Variants in ERC2 observed in about 807,000 individuals in gnomAD.
The protein encoded by ERC2 is ERC protein 2.
A neutral mutation model predicts 114.8 loss-of-function variants in ERC2; 42 were observed. That is an observed-to-expected ratio of 0.37 (90% confidence interval 0.29 to 0.47). The LOEUF (loss-of-function observed/expected upper bound fraction) is 0.47. ERC2 is among the 20% of genes least tolerant of loss of function. The pLI, the probability that ERC2 is intolerant of heterozygous loss-of-function variation, is 0.99. For missense variants in ERC2, 939 were observed against 1,150.7 expected, an observed-to-expected ratio of 0.82 and a Z score of 2.66; for synonymous variants, 454 against 425.5, an observed-to-expected ratio of 1.07 and a Z score of -0.82.
At chr3:56,182,804 C>T (rs2083359379) in intron 3 of ERC2, among the ~76,000 whole-genome samples, 2 of 152,158 alleles carry the variant, frequency 1.3e-5, no homozygotes, top group South Asian at 4.1e-4. Flanking sequence ...AGGCACTTCC[C>T]TATTTCTCCT....
chr3:55,849,044 C>T (rs927294905), intron 14 of ERC2, among the ~76,000 whole-genome samples: 1 of 152,110 alleles, frequency 6.6e-6, no homozygotes, highest in African/African-American at 2.4e-5. Flanking sequence ...TGCCATCTGC[C>T]AGGCTCTATG....
At chr3:56,166,823 T>A (rs1387952620) in intron 4 of ERC2, among the ~76,000 whole-genome samples, 2 of 152,086 alleles carry the variant, frequency 1.3e-5, no homozygotes, top group Non-Finnish European at 2.9e-5. Context: ...TTTTTGTGAA[T>A]CTCTTCAAAA....
chr3:55,621,885 TC>T (rs1169323901), intron 17 of ERC2, among the ~76,000 whole-genome samples: 3 of 152,056 alleles, frequency 2.0e-5, no homozygotes, highest in Non-Finnish European at 4.4e-5. Flanking sequence ...GAGCATCACA[TC>T]CCTGCCAAGC....
At chr3:55,543,866 C>A (rs1372711248) in intron 17 of ERC2, among the ~76,000 whole-genome samples, 2 of 152,172 alleles carry the variant, frequency 1.3e-5, no homozygotes, top group African/African-American at 2.4e-5. Context: ...TCTCTCGAAG[C>A]CTTACCTCTC....
chr3:56,392,280 T>A (rs992248612), intron 2 of ERC2, among the ~76,000 whole-genome samples: 2 of 152,200 alleles, frequency 1.3e-5, no homozygotes, highest in Admixed American at 6.5e-5. Flanking sequence ...GGTTTTCTGG[T>A]CCTTAGTAAC....
intron 3 of ERC2, among the ~76,000 whole-genome samples, chr3:56,247,422 T>C (rs1241745512): frequency 6.6e-6 from 1 of 152,344 alleles, no homozygotes; most frequent in East Asian, 1.9e-4. Flanking sequence ...TAGTTTTCTA[T>C]TATGCTTGAA....
intron 3 of ERC2, among the ~76,000 whole-genome samples, chr3:56,258,175 C>T (rs924015896): frequency 1.3e-5 from 2 of 152,150 alleles, no homozygotes; most frequent in Admixed American, 6.5e-5. Flanking sequence ...CTGCAGTGCA[C>T]CTTTAAAACT....
intron 13 of ERC2, among the ~76,000 whole-genome samples, chr3:55,927,808 T>C (rs916790517): frequency 1.3e-5 from 2 of 152,104 alleles, no homozygotes; most frequent in South Asian, 4.1e-4. Flanking sequence ...TCCATGAGTT[T>C]CACTGTTTTA....
At chr3:55,906,338 A>G (rs911451680) in intron 13 of ERC2, among the ~76,000 whole-genome samples, 1 of 150,878 alleles carries the variant, frequency 6.6e-6, no homozygotes, top group Non-Finnish European at 1.5e-5. Context: ...CGGCTGAGGC[A>G]GGAGAATGGC....
intron 2 of ERC2, among the ~76,000 whole-genome samples, chr3:56,348,980 G>C (rs1332927164): frequency 6.8e-6 from 1 of 147,552 alleles, no homozygotes; most frequent in Non-Finnish European, 1.5e-5. Flanking sequence ...AGGAAAGAAA[G>C]AAGGAAAGAA....
intron 14 of ERC2, among the ~76,000 whole-genome samples, chr3:55,754,738 C>T (rs1449124150): frequency 6.6e-6 from 1 of 151,516 alleles, no homozygotes; most frequent in Non-Finnish European, 1.5e-5. Flanking sequence ...TAAATATCTT[C>T]CTTTGTCCAT....
chr3:56,201,623 AC>A (rs1440365226), intron 3 of ERC2, among the ~76,000 whole-genome samples: 2 of 152,218 alleles, frequency 1.3e-5, no homozygotes, highest in African/African-American at 4.8e-5. Context: ...CAGCCCAGCC[AC>A]CAGGGAAGGA....
At chr3:56,036,175 C>G (rs1438321620) in intron 7 of ERC2, among the ~76,000 whole-genome samples, 4 of 152,110 alleles carry the variant, frequency 2.6e-5, no homozygotes, top group African/African-American at 9.7e-5. Context: ...GATAAAGACT[C>G]TCGACAAATT....
intron 7 of ERC2, among the ~76,000 whole-genome samples, chr3:56,061,253 G>C (rs2076231761): frequency 6.6e-6 from 1 of 152,176 alleles, no homozygotes; most frequent in Non-Finnish European, 1.5e-5. Flanking sequence ...TGCTCTATAA[G>C]ACAATTTCAA....
At chr3:56,405,888 T>G (rs964451826) in intron 2 of ERC2, among the ~76,000 whole-genome samples, 1 of 50,914 alleles carries the variant, frequency 2.0e-5, no homozygotes, top group Non-Finnish European at 3.8e-5. Flanking sequence ...CTTTTTTTTC[T>G]TTTTTTTTTT....
intron 14 of ERC2, among the ~76,000 whole-genome samples, chr3:55,868,768 G>T (rs1281171195): frequency 3.3e-5 from 5 of 152,148 alleles, no homozygotes; most frequent in Non-Finnish European, 7.4e-5. Flanking sequence ...TTTTCCTAAG[G>T]TTTTATATTC....
intron 12 of ERC2, among the ~76,000 whole-genome samples, chr3:55,976,705 T>C (rs550135790): frequency 1.2e-4 from 18 of 152,234 alleles, no homozygotes; most frequent in African/African-American, 4.3e-4. Flanking sequence ...GAAGAGCAAA[T>C]GATGAAAGTG....
chr3:56,026,470 T>A (rs900933470), intron 7 of ERC2, among the ~76,000 whole-genome samples: 4 of 152,138 alleles, frequency 2.6e-5, no homozygotes, highest in Non-Finnish European at 5.9e-5. Context: ...TATAGCTGTC[T>A]CCAGTCAAAA....
intron 17 of ERC2, among the ~76,000 whole-genome samples, chr3:55,674,720 T>C (rs1400467586): frequency 6.6e-6 from 1 of 152,204 alleles, no homozygotes; most frequent in Non-Finnish European, 1.5e-5. Flanking sequence ...GAAGAGATTA[T>C]AACAATCTTT....
Sources: allele counts gnomAD v4.1 joint callset (sites outside exome capture counted in the v4.1 genomes callset), GRCh38; gene constraint gnomAD v4.1.1; transcripts MANE v1.5; gene names NCBI Gene and HGNC (gene_info 2026-07-23, HGNC 2026-07-21).